Variants in LIPM observed in about 807,000 individuals in gnomAD.
LIPM encodes lipase member M.
In LIPM, 42 loss-of-function variants were observed where a neutral mutation model predicts 42.4. That is an observed-to-expected ratio of 0.99 (90% CI 0.77 to 1.28). The LOEUF is 1.28. Among genes scored for constraint, LIPM ranks in the 50% most tolerant of loss-of-function variants. LIPM has a pLI of 0.00. For missense variants in LIPM, 524 were observed against 520.1 expected, an observed-to-expected ratio of 1.01 and a Z score of -0.07; for synonymous variants, 177 against 173.3, an observed-to-expected ratio of 1.02 and a Z score of -0.17.
intron 1 of LIPM, among the ~76,000 whole-genome samples, chr10:88,805,081 A>G (rs965549978): frequency 4.8e-5 from 7 of 145,324 alleles, no homozygotes; most frequent in Non-Finnish European, 1.1e-4. Context: ...GGCCTTATGC[A>G]TGTATTTTTT....
chr10:88,807,395 G>A (rs1484623227), intron 1 of LIPM, among the ~76,000 whole-genome samples: 1 of 152,118 alleles, frequency 6.6e-6, no homozygotes, highest in Non-Finnish European at 1.5e-5. Flanking sequence ...GTGATGTTTG[G>A]CCTTCTCTCT....
Position 88,814,601 on chromosome 10 carries a change from A to T in LIPM, c.536A>T (p.Lys179Met). Residue 179 changes from lysine to methionine, a missense_variant, in exon 4 of 9, where the codon AAG (lysine) becomes ATG (methionine). Transcript: ENST00000404743. ...ATTTTGCAGAAAACGGGCCAGGAAAAGATCTATTATGTCGGCTATTCACAG... is the reference window on the plus strand; with the variant it reads ...ATTTTGCAGAAAACGGGCCAGGAAATGATCTATTATGTCGGCTATTCACAG... ...NFILQKTGQE[K>M]IYYVGYSQGT... is the part of the protein sequence containing the mutation. 6.4e-7 allele frequency: 1 copy of T among 1,552,010 alleles called. No homozygotes were observed. The highest frequency in any genetic ancestry group is 8.7e-7 in the Non-Finnish European group (1 of 1,146,986).
At chr10:88,816,355 T>G (rs1447476551) in intron 6 of LIPM, among the ~76,000 whole-genome samples, 1 of 152,228 alleles carries the variant, frequency 6.6e-6, no homozygotes, top group African/African-American at 2.4e-5. Context: ...ATTTGATTTA[T>G]AGTAAGGATA....
chr10:88,812,316 T>G (rs1258362379), intron 2 of LIPM, among the ~76,000 whole-genome samples: 1 of 152,202 alleles, frequency 6.6e-6, no homozygotes, highest in African/African-American at 2.4e-5. Flanking sequence ...TTTCTAAAGT[T>G]AGTATTTTTC....
chr10:88,815,462 A>G lies in LIPM; in HGVS notation c.817A>G (p.Met273Val). ...TCTTGATCAGATTTGTAGTAATATC[A>G]TGTTACTTCTGGGTGGATTCAACAC... The part of the protein sequence containing the change: ...VILDQICSNI[M>V]LLLGGFNTNN... Residue 273 changes from methionine to valine, a missense_variant, in exon 6 of 9, where the codon ATG (methionine) becomes GTG (valine). Met to Val is a conservative substitution (Grantham distance 21). Transcript: ENST00000404743. The G allele has an allele frequency of 6.4e-7, 1 of 1,551,516 alleles. No individual in the cohort carries two copies. The highest frequency in any genetic ancestry group is 8.7e-7 in the Non-Finnish European group (1 of 1,146,856).
intron 1 of LIPM, among the ~76,000 whole-genome samples, chr10:88,805,517 A>C (rs376213599): frequency 6.6e-6 from 1 of 152,214 alleles, no homozygotes; most frequent in Non-Finnish European, 1.5e-5. Context: ...AATACAAAAG[A>C]AGGCAATAGT....
At chr10:88,814,475 T>G in intron 3 of LIPM, 55 bp from the exon 4 acceptor site, 1 of 1,280,926 alleles carries the variant, frequency 7.8e-7, no homozygotes, top group South Asian at 1.3e-5. Flanking sequence ...CGGGGGGAGC[T>G]TTTGTTTGTT....
chr10:88,803,022 C>T lies in LIPM; in HGVS notation c.126C>T (p.Asp42=). The change falls in exon 1 of 9, where the codon GAC becomes GAT. Residue 42 remains aspartate, a synonymous_variant. Coordinates refer to ENST00000404743, the MANE Select transcript of LIPM (RefSeq NM_001128215.1). The part of the protein sequence containing the change: ...NSVHMPTKAV[D]PEAFMNISEI... ...TACATATGCCAACTAAAGCTGTGGA[C>T]CCAGAAGCATTCATGAATATTGTAA... The T allele has an allele frequency of 1.9e-6, 3 of 1,550,790 alleles. No homozygotes were observed. The highest frequency in any genetic ancestry group is 1.4e-5 in the African/African-American group (1 of 73,058).
intron 1 of LIPM, among the ~76,000 whole-genome samples, chr10:88,806,321 A>G (rs115019693): frequency 0.012 from 1,787 of 152,246 alleles, 31 homozygotes; most frequent in African/African-American, 0.039. Flanking sequence ...TTCTTCCTCC[A>G]TAAGACCTTG....
intron 1 of LIPM, among the ~76,000 whole-genome samples, chr10:88,807,656 T>C (rs1843605580): frequency 6.6e-6 from 1 of 152,248 alleles, no homozygotes; most frequent in African/African-American, 2.4e-5. Context: ...TCCATTTTTA[T>C]AGTTCTCCTC....
intron 2 of LIPM, among the ~76,000 whole-genome samples, chr10:88,811,289 ATT>A (rs1306299370): frequency 6.6e-6 from 1 of 152,166 alleles, no homozygotes; most frequent in East Asian, 1.9e-4. Context: ...AATTGTCCTC[ATT>A]TTGCTAATGA....
Position 88,817,881 on chromosome 10 carries a change from G to C in LIPM, c.987G>C (p.Leu329=). The C allele has an allele frequency of 1.3e-6, 2 of 1,551,076 alleles. No individual in the cohort carries two copies. The highest frequency in any genetic ancestry group is 2.4e-5 in the South Asian group (2 of 84,050). ...AFDWGSETKN[L]EKCNQPTPVR... ...ACTGGGGGAGTGAGACCAAAAATCT[G>C]GAAAAATGCAATCAGGTAAGAAAAT... Residue 329 remains leucine (L), a synonymous_variant, in exon 8 of 9, where the codon CTG becomes CTC. Coordinates refer to ENST00000404743, the MANE Select transcript of LIPM (RefSeq NM_001128215.1).
intron 3 of LIPM, among the ~76,000 whole-genome samples, chr10:88,813,758 C>T (rs111791725): frequency 6.6e-5 from 10 of 152,034 alleles, no homozygotes; most frequent in Non-Finnish European, 8.8e-5. Flanking sequence ...CACAGTTCAG[C>T]GGGGCTGGGG....
chr10:88,817,629 C>G (rs1167058350), intron 7 of LIPM, among the ~76,000 whole-genome samples, 196 bp from the exon 8 acceptor site: 2 of 152,128 alleles, frequency 1.3e-5, no homozygotes, highest in Non-Finnish European at 1.5e-5. Context: ...TATGTAGTCC[C>G]TCTTTCTTCT....
chr10:88,810,332 A>G (rs1589313993), intron 2 of LIPM, among the ~76,000 whole-genome samples: 2 of 152,320 alleles, frequency 1.3e-5, no homozygotes, highest in South Asian at 4.1e-4. Flanking sequence ...GGTCACCTGC[A>G]GCCCCTATTC....
intron 1 of LIPM, among the ~76,000 whole-genome samples, chr10:88,807,351 T>C (rs1016747769): frequency 3.9e-5 from 6 of 152,214 alleles, no homozygotes; most frequent in Non-Finnish European, 7.3e-5. Context: ...CTAATGACTA[T>C]GCTTTGTTTT....
intron 2 of LIPM, among the ~76,000 whole-genome samples, chr10:88,810,091 AGAGT>A (rs996106720): frequency 6.6e-6 from 1 of 152,232 alleles, no homozygotes; most frequent in African/African-American, 2.4e-5. Flanking sequence ...CCCCCCAGTC[AGAGT>A]GTAAACTCAG....
chr10:88,804,734 G>GT (rs1175828655), intron 1 of LIPM, among the ~76,000 whole-genome samples: 2 of 152,196 alleles, frequency 1.3e-5, no homozygotes, highest in Non-Finnish European at 1.5e-5. Context: ...TGGCCCAGAA[G>GT]TTACTGTCCC....
intron 8 of LIPM, among the ~76,000 whole-genome samples, chr10:88,818,734 A>G (rs1392212145): frequency 2.6e-5 from 4 of 152,154 alleles, no homozygotes; most frequent in Admixed American, 2.0e-4. Flanking sequence ...GTCTATCTAG[A>G]TGTAAAATGC....
Sources: gnomAD v4.1 joint callset for allele counts (sites outside exome capture counted in the v4.1 genomes callset) on GRCh38, gnomAD v4.1.1 for gene constraint, MANE v1.5 for transcripts, NCBI Gene and HGNC (gene_info 2026-07-23, HGNC 2026-07-21) for gene names.